Variants in NDST4 observed in about 807,000 individuals in gnomAD.
The protein encoded by NDST4 is N-deacetylase and N-sulfotransferase 4.
Under a neutral mutation model 100.8 loss-of-function variants are expected in NDST4, and 63 were observed. The observed-to-expected ratio is 0.62, with a 90% confidence interval of 0.51 to 0.77. NDST4 has a LOEUF of 0.77. Among genes scored for constraint, NDST4 ranks in the 30% least tolerant of loss-of-function variants. The pLI, the probability that NDST4 is intolerant of heterozygous loss-of-function variation, is 0.00. For synonymous variants in NDST4, 377 were observed against 361.8 expected, an observed-to-expected ratio of 1.04 and a Z score of -0.48; for missense variants, 943 against 1,018.4, an observed-to-expected ratio of 0.93 and a Z score of 1.01.
At chr4:114,917,805 T>A (rs979018723) in intron 6 of NDST4, among the ~76,000 whole-genome samples, 8 of 152,198 alleles carry the variant, frequency 5.3e-5, no homozygotes, top group Non-Finnish European at 4.4e-5. Flanking sequence ...CTTCTCTGAA[T>A]AGTTTCCTCA....
chr4:115,036,812 T>C (rs1004234856), intron 2 of NDST4, among the ~76,000 whole-genome samples: 1 of 151,948 alleles, frequency 6.6e-6, no homozygotes, highest in African/African-American at 2.4e-5. Context: ...CTACAAAAAA[T>C]TTTCAAGCAT....
chr4:114,871,071 T>C, intron 6 of NDST4, 121 bp from the exon 7 acceptor site: 2 of 591,182 alleles, frequency 3.4e-6, no homozygotes, highest in South Asian at 3.3e-5. Flanking sequence ...AATGATCTTT[T>C]TAAGTGGAAA....
chr4:115,098,417 A>G (rs1729663460), intron 1 of NDST4, among the ~76,000 whole-genome samples: 1 of 152,210 alleles, frequency 6.6e-6, no homozygotes, highest in Admixed American at 6.6e-5. Flanking sequence ...GTAGGAGACC[A>G]GTTAATAATT....
At chr4:114,938,487 T>A (rs909016404) in intron 4 of NDST4, among the ~76,000 whole-genome samples, 1 of 152,246 alleles carries the variant, frequency 6.6e-6, no homozygotes, top group Non-Finnish European at 1.5e-5. Flanking sequence ...CTTTAAATGC[T>A]TATCTGCTTT....
At chr4:115,113,080 C>G (rs1339774509) in intron 1 of NDST4, among the ~76,000 whole-genome samples, 2 of 151,848 alleles carry the variant, frequency 1.3e-5, no homozygotes, top group Non-Finnish European at 2.9e-5. Context: ...CTACAGTTAA[C>G]TTTGGATGTT....
At chr4:115,065,316 G>C (rs1455085304) in intron 2 of NDST4, among the ~76,000 whole-genome samples, 1 of 152,068 alleles carries the variant, frequency 6.6e-6, no homozygotes, top group Admixed American at 6.6e-5. Flanking sequence ...GAGGGTTGAA[G>C]AGATTAGGTT....
intron 4 of NDST4, among the ~76,000 whole-genome samples, chr4:114,956,804 G>A (rs888801891): frequency 9.2e-5 from 14 of 151,952 alleles, no homozygotes; most frequent in African/African-American, 3.1e-4. Flanking sequence ...TAACTAAATG[G>A]CAACAAAAAT....
chr4:115,018,338 A>G (rs555891119), intron 2 of NDST4, among the ~76,000 whole-genome samples: 18 of 152,122 alleles, frequency 1.2e-4, no homozygotes, highest in African/African-American at 4.3e-4. Flanking sequence ...TTCTCAGTAC[A>G]AAATGGAAAT....
intron 6 of NDST4, among the ~76,000 whole-genome samples, chr4:114,926,449 T>A (rs1331344097): frequency 6.6e-6 from 1 of 152,092 alleles, no homozygotes; most frequent in Admixed American, 6.6e-5. Flanking sequence ...TTATTCCAAC[T>A]CATATCTTCT....
chr4:114,846,013 G>A lies in NDST4; in HGVS notation c.1941-16C>T. On this transcript the variant is annotated splice_polypyrimidine_tract_variant and intron_variant, in intron 9 of 13. Coordinates refer to ENST00000264363, the MANE Select transcript of NDST4 (RefSeq NM_022569.3). ...GTCCATATACCTGAAGGCAGAGAAA[G>A]ACAATTAATTAATCTGAAAATAATT... The A allele has an allele frequency of 6.5e-7, 1 of 1,545,832 alleles. No individual in the cohort carries two copies.
chr4:114,978,071 C>T (rs574079808), intron 2 of NDST4, among the ~76,000 whole-genome samples: 1 of 152,060 alleles, frequency 6.6e-6, no homozygotes, highest in South Asian at 2.1e-4. Flanking sequence ...ATTCAGAACC[C>T]TTATATCCTT....
chr4:115,034,743 C>T (rs78716153), intron 2 of NDST4, among the ~76,000 whole-genome samples: 7,049 of 152,090 alleles, frequency 0.046, 478 homozygotes, highest in African/African-American at 0.14. Flanking sequence ...ACTGCTTTTG[C>T]ACCAAATGCT....
intron 2 of NDST4, among the ~76,000 whole-genome samples, chr4:115,015,224 G>A (rs934995716): frequency 6.6e-6 from 1 of 151,996 alleles, no homozygotes; most frequent in Admixed American, 6.6e-5. Context: ...TGCACCTATG[G>A]CCTCATTGGA....
intron 6 of NDST4, among the ~76,000 whole-genome samples, chr4:114,919,347 A>C (rs2126218370): frequency 6.6e-6 from 1 of 152,320 alleles, no homozygotes; most frequent in Non-Finnish European, 1.5e-5. Context: ...ATGCTATGAA[A>C]AAATAAGACA....
chr4:114,882,351 T>C (rs182546378), intron 6 of NDST4, among the ~76,000 whole-genome samples: 44 of 152,150 alleles, frequency 2.9e-4, no homozygotes, highest in African/African-American at 1.1e-3. Flanking sequence ...AGGAGTTGAA[T>C]ATACTTCTGC....
intron 6 of NDST4, among the ~76,000 whole-genome samples, chr4:114,908,006 A>G (rs1317897051): frequency 3.3e-5 from 5 of 152,196 alleles, no homozygotes; most frequent in African/African-American, 1.2e-4. Flanking sequence ...AGTAACTTGA[A>G]AAGATTTTTG....
At chr4:115,071,671 G>A (rs72898684) in intron 2 of NDST4, among the ~76,000 whole-genome samples, 4,025 of 151,852 alleles carry the variant, frequency 0.027, 181 homozygotes, top group African/African-American at 0.093. Flanking sequence ...CATTGTTCTA[G>A]AATTGGGGTA....
chr4:115,033,133 A>ATATATATATATATATGTG (rs1728151007), intron 2 of NDST4, among the ~76,000 whole-genome samples: 1 of 82,310 alleles, frequency 1.2e-5, no homozygotes, highest in Non-Finnish European at 2.3e-5. Flanking sequence ...ATATATGTGT[A>ATATATATATATATATGTG]TATATATATA....
chr4:115,008,918 T>A (rs185544460), intron 2 of NDST4, among the ~76,000 whole-genome samples: 2,768 of 127,408 alleles, frequency 0.022, 715 homozygotes, highest in African/African-American at 0.078. Context: ...AAATCACGAG[T>A]GAACTCCTAT....
Sources: gnomAD v4.1 joint callset for allele counts (sites outside exome capture counted in the v4.1 genomes callset) on GRCh38, gnomAD v4.1.1 for gene constraint, MANE v1.5 for transcripts, NCBI Gene and HGNC (gene_info 2026-07-23, HGNC 2026-07-21) for gene names.